Variants in FAM178B observed in about 807,000 individuals in gnomAD.
FAM178B encodes protein FAM178B.
A neutral mutation model predicts 91.7 loss-of-function variants in FAM178B; 82 were observed. That is an observed-to-expected ratio of 0.89 (90% confidence interval 0.75 to 1.07). The LOEUF (loss-of-function observed/expected upper bound fraction) is 1.07, where lower values mean the gene tolerates loss of function less well. Ranked by LOEUF, FAM178B falls within the 50% of genes least tolerant of loss-of-function variation. The pLI, the probability that FAM178B is intolerant of heterozygous loss-of-function variation, is 0.00. For synonymous variants in FAM178B, 368 were observed against 359.4 expected (o/e 1.02, Z -0.27); for missense variants, 769 against 846.7 (o/e 0.91, Z 1.14).
intron 3 of FAM178B, among the ~76,000 whole-genome samples, chr2:96,971,255 C>T (rs2082213214): frequency 6.8e-6 from 1 of 146,152 alleles, no homozygotes; most frequent in Admixed American, 6.8e-5. Flanking sequence ...CTCTCCCTCC[C>T]TCCCTCTCTC....
At chr2:96,946,286 G>A (rs1206960559) in intron 8 of FAM178B, among the ~76,000 whole-genome samples, 5 of 152,098 alleles carry the variant, frequency 3.3e-5, no homozygotes, top group Non-Finnish European at 7.3e-5. Context: ...CTGTATGTAT[G>A]TACCACATTT....
chr2:96,968,476 A>G (rs1275446598), intron 4 of FAM178B, among the ~76,000 whole-genome samples: 2 of 151,926 alleles, frequency 1.3e-5, no homozygotes, highest in African/African-American at 2.4e-5. Context: ...TGGTCCCTCC[A>G]GGTGCCCACC....
intron 13 of FAM178B, among the ~76,000 whole-genome samples, chr2:96,896,945 CA>C (rs1321782656): frequency 2.0e-5 from 3 of 152,214 alleles, no homozygotes; most frequent in Non-Finnish European, 4.4e-5. Flanking sequence ...CTGCTCTCTG[CA>C]ACCTCCACCT....
In FAM178B at chr2:96,925,132, A is replaced by G. The variant is rs567793748; in HGVS notation, c.1194-1549T>C. The stretch of plus-strand genomic sequence containing the variant: ...GTGAGGGGAAGCTCTGGTTCGTACC[A>G]GCCTTGAGCGTGCAACACGCGCAGC... On this transcript the variant is annotated intron_variant, in intron 9 of 16. Coordinates refer to ENST00000490605, the MANE Select transcript of FAM178B (RefSeq NM_001122646.3). Among the ~76,000 whole-genome samples the G allele has an allele frequency of 3.7e-4, 56 of 152,298 alleles. 1 individual carries two copies. The highest frequency in any genetic ancestry group is 1.2e-3 in the African/African-American group (50 of 41,558).
At chr2:96,904,092 A>G (rs2080985251) in intron 12 of FAM178B, among the ~76,000 whole-genome samples, 1 of 152,126 alleles carries the variant, frequency 6.6e-6, no homozygotes, top group Non-Finnish European at 1.5e-5. Flanking sequence ...CAAAACTGGC[A>G]AGATCTACTA....
intron 8 of FAM178B, among the ~76,000 whole-genome samples, chr2:96,932,596 T>C (rs1206434204): frequency 6.6e-6 from 1 of 152,160 alleles, no homozygotes; most frequent in Non-Finnish European, 1.5e-5. Context: ...CACAGAACAG[T>C]CATTTTAGGT....
intron 1 of FAM178B, among the ~76,000 whole-genome samples, chr2:96,980,973 A>C (rs1046407103): frequency 6.6e-6 from 1 of 151,422 alleles, no homozygotes; most frequent in African/African-American, 2.4e-5. Flanking sequence ...CTTTCATTCT[A>C]TTTATTTTTT....
chr2:96,934,992 T>C (rs1158710719), intron 8 of FAM178B, among the ~76,000 whole-genome samples: 1 of 152,110 alleles, frequency 6.6e-6, no homozygotes, highest in African/African-American at 2.4e-5. Context: ...CCAGGGCACC[T>C]CTCCTTTCCC....
intron 12 of FAM178B, among the ~76,000 whole-genome samples, chr2:96,909,855 A>G (rs2081121997): frequency 6.6e-6 from 1 of 152,134 alleles, no homozygotes; most frequent in African/African-American, 2.4e-5. Flanking sequence ...CCTCATCCAA[A>G]ACACTGGGCC....
At chr2:96,896,654 T>A (rs1159301877) in intron 13 of FAM178B, among the ~76,000 whole-genome samples, 1 of 152,218 alleles carries the variant, frequency 6.6e-6, no homozygotes, top group Non-Finnish European at 1.5e-5. Context: ...CACAGCATGT[T>A]GCTCCTGGGT....
At chr2:96,924,842 AG>A (rs1490094756) in intron 9 of FAM178B, among the ~76,000 whole-genome samples, 1 of 152,142 alleles carries the variant, frequency 6.6e-6, no homozygotes, top group East Asian at 1.9e-4. Flanking sequence ...CCCCTGGCAC[AG>A]GGGAGGAAGA....
intron 14 of FAM178B, among the ~76,000 whole-genome samples, chr2:96,884,113 C>T (rs2080458008): frequency 6.6e-6 from 1 of 152,116 alleles, no homozygotes; most frequent in Admixed American, 6.5e-5. Flanking sequence ...GCAATTTAAA[C>T]CTATATAGTA....
At chr2:96,921,726 C>A in intron 10 of FAM178B, 72 bp from the exon 11 acceptor site, 2 of 1,442,484 alleles carry the variant, frequency 1.4e-6, no homozygotes, top group South Asian at 2.5e-5. Context: ...GACCAGTTCC[C>A]TGGGAGACAC....
chr2:96,975,781 T>G (rs1413328830), intron 1 of FAM178B, among the ~76,000 whole-genome samples: 2 of 152,216 alleles, frequency 1.3e-5, no homozygotes, highest in Admixed American at 6.5e-5. Flanking sequence ...TGTACCATAG[T>G]TCCCCCTTAT....
At chr2:96,921,382 C>T in intron 11 of FAM178B, 96 bp downstream of exon 11, 2 of 1,511,208 alleles carry the variant, frequency 1.3e-6, no homozygotes, top group Non-Finnish European at 1.8e-6. Flanking sequence ...TTCCGATGAC[C>T]TCCAGGCAGT....
intron 9 of FAM178B, among the ~76,000 whole-genome samples, chr2:96,926,077 G>A (rs2081433286): frequency 1.3e-5 from 2 of 152,206 alleles, no homozygotes; most frequent in South Asian, 4.1e-4. Flanking sequence ...GCTGAGGTGA[G>A]TGGATCACCT....
intron 14 of FAM178B, among the ~76,000 whole-genome samples, chr2:96,885,597 C>T (rs1256710473): frequency 6.6e-6 from 1 of 152,222 alleles, no homozygotes; most frequent in Non-Finnish European, 1.5e-5. Context: ...AGAGCGTCTC[C>T]CCATTCCTCC....
chr2:96,876,574 G>T (rs1245217027), intron 16 of FAM178B, among the ~76,000 whole-genome samples: 1 of 152,214 alleles, frequency 6.6e-6, no homozygotes, highest in Non-Finnish European at 1.5e-5. Context: ...GCTCCCACCA[G>T]AGGCTGGTGA....
intron 14 of FAM178B, among the ~76,000 whole-genome samples, chr2:96,891,255 C>G (rs1186707975): frequency 6.6e-6 from 1 of 152,196 alleles, no homozygotes; most frequent in East Asian, 1.9e-4. Context: ...TAATTACAAA[C>G]GATGTGCTGG....
Sources: gnomAD v4.1 joint callset for allele counts (sites outside exome capture counted in the v4.1 genomes callset) on GRCh38, gnomAD v4.1.1 for gene constraint, MANE v1.5 for transcripts, NCBI Gene and HGNC (gene_info 2026-07-23, HGNC 2026-07-21) for gene names.